The following ZNF518B variants were observed in gnomAD, a reference collection of about 807,000 sequenced individuals.
ZNF518B encodes the protein zinc finger protein 518B.
A neutral mutation model predicts 56.3 loss-of-function variants in ZNF518B; 23 were observed. The ratio of observed to expected loss-of-function variants is 0.41; its 90% CI spans 0.29 to 0.58. The LOEUF (loss-of-function observed/expected upper bound fraction) is 0.58, where lower values mean the gene tolerates loss of function less well. Ranked by LOEUF, ZNF518B falls within the 20% of genes least tolerant of loss-of-function variation. ZNF518B has a pLI of 0.32. For missense variants in ZNF518B, 1,460 were observed against 1,272.1 expected, an observed-to-expected ratio of 1.15 and a Z score of -2.25; for synonymous variants, 529 against 465.9, an observed-to-expected ratio of 1.14 and a Z score of -1.74.
In ZNF518B at chr4:10,445,376, G is replaced by T. The variant is rs201855662; in HGVS notation, c.953C>A (p.Pro318His). 2.2e-5 allele frequency: 35 copies of T among 1,614,108 alleles called. No individual in the cohort carries two copies. Among genetic ancestry groups the T allele is most frequent in the Non-Finnish European group, 2.5e-5 (30 of 1,180,048 alleles). Residue 318 changes from proline (P) to histidine (H), a missense_variant, in exon 3 of 3, where the codon CCT (proline) becomes CAT (histidine). Pro to His is a moderately conservative substitution (Grantham distance 77). Coordinates refer to ENST00000326756, the MANE Select transcript of ZNF518B (RefSeq NM_053042.3). ...ACCTGGCTGAACAGGTTCTTTTGCA[G>T]GGGATAACACTTCTACTTCAACATT... ...NKNVEVEVLS[P>H]AKEPVQPGMP...
Position 10,445,398 on chromosome 4 carries a change from C to A in ZNF518B, c.931G>T (p.Val311Phe), listed in dbSNP as rs771688278. Residue 311 changes from valine (V) to phenylalanine (F), a missense_variant, in exon 3 of 3, where the codon GTT becomes TTT. Coordinates refer to ENST00000326756, the MANE Select transcript of ZNF518B (RefSeq NM_053042.3). Reference sequence around the variant, plus strand: ...GCAGGGGATAACACTTCTACTTCAACATTTTTGTTCTCAAATAGGTTGACT... The same window carrying A: ...GCAGGGGATAACACTTCTACTTCAAAATTTTTGTTCTCAAATAGGTTGACT... ...NEVNLFENKN[V>F]EVEVLSPAKE... 6 of 1,614,192 alleles carry A rather than the reference C, an allele frequency of 3.7e-6. No individual in the cohort carries two copies. Among genetic ancestry groups the A allele is most frequent in the Non-Finnish European group, 5.1e-6 (6 of 1,180,028 alleles).
chr4:10,442,386 CAT>C lies in ZNF518B; in HGVS notation c.*716_*717del, dbSNP rs958284527. ...TTTGCAAAAAGGTACGTTCCCTTCCCATATGTCATAAACCAATGTATTTTAAA... is the reference window on the plus strand; with the variant it reads ...TTTGCAAAAAGGTACGTTCCCTTCCCATGTCATAAACCAATGTATTTTAAA... On this transcript the variant is annotated 3_prime_UTR_variant, in exon 3 of 3. Transcript: ENST00000326756. 1.3e-5 allele frequency: 2 copies of C among 152,122 alleles called. No homozygotes were observed. The highest frequency in any genetic ancestry group is 4.8e-5 in the African/African-American group (2 of 41,416). The allele number at this position is 152,122 out of a possible 1,614,324, so 9.4% of individuals were successfully genotyped here.
intron 2 of ZNF518B, chr4:10,454,087 T>A (rs1715432298): frequency 6.6e-6 from 1 of 152,242 alleles, no homozygotes; most frequent in Non-Finnish European, 1.5e-5. Context: ...CACCTGATAC[T>A]ACAGGTGCAG....
rs377391248 is a variant in ZNF518B, at chr4:10,443,813, A to C, written c.2516T>G (p.Ile839Ser). 1 of 1,614,162 alleles carries C rather than the reference A, an allele frequency of 6.2e-7. No individual in the cohort carries two copies. The highest frequency in any genetic ancestry group is 1.1e-5 in the South Asian group (1 of 91,086). Residue 839 changes from isoleucine to serine, a missense_variant, in exon 3 of 3, where the codon ATC (isoleucine) becomes AGC (serine). Coordinates refer to ENST00000326756, the MANE Select transcript of ZNF518B (RefSeq NM_053042.3). ...ERGPIDMSPN[I>S]ETPLRPKLRK... ...CAGTTTAGGCCGCAGAGGTGTCTCGATATTTGGGGACATATCTATTGGCCC... is the reference window on the plus strand; with the variant it reads ...CAGTTTAGGCCGCAGAGGTGTCTCGCTATTTGGGGACATATCTATTGGCCC...
chr4:10,450,726 G>A (rs1355725687), intron 2 of ZNF518B, among the ~76,000 whole-genome samples: 1 of 152,162 alleles, frequency 6.6e-6, no homozygotes, highest in Non-Finnish European at 1.5e-5. Context: ...GGGTATGCTG[G>A]CACTGAAAGG....
chr4:10,449,558 C>T (rs1715211192), intron 2 of ZNF518B, among the ~76,000 whole-genome samples: 1 of 152,176 alleles, frequency 6.6e-6, no homozygotes, highest in Admixed American at 6.5e-5. Context: ...CCTTGTTCTG[C>T]CTTGACTCTG....
chr4:10,445,074 C>G lies in ZNF518B; in HGVS notation c.1255G>C (p.Asp419His). The change falls in exon 3 of 3, where the codon GAT (aspartate) becomes CAT (histidine). Residue 419 changes from aspartate (D) to histidine (H), a missense_variant. Asp to His is a moderately conservative substitution (Grantham distance 81). Coordinates refer to ENST00000326756, the MANE Select transcript of ZNF518B (RefSeq NM_053042.3). ...DGNVGKLVGI[D>H]SFQPSVQKQL... ...TTCTGAACTGAAGGTTGAAAACTAT[C>G]AATGCCTACGAGTTTTCCAACATTC... 6.2e-7 allele frequency: 1 copy of G among 1,614,206 alleles called. No homozygotes were observed. The highest frequency in any genetic ancestry group is 1.6e-4 in the Middle Eastern group (1 of 6,062).
Position 10,446,065 on chromosome 4 carries a change from C to A in ZNF518B, c.264G>T (p.Gln88His), listed in dbSNP as rs376118146. 3 of 1,614,152 alleles carry A rather than the reference C, an allele frequency of 1.9e-6. No individual in the cohort carries two copies. Among genetic ancestry groups the A allele is most frequent in the Non-Finnish European group, 2.5e-6 (3 of 1,180,034 alleles). ...TGGGAGGAGCTGCACCGAGGCTGCA[C>A]TGGAAGCAGACATACATACCGTCCT... is the stretch of plus-strand genomic sequence containing the variant. ...TGKDGMYVCF[Q>H]CSLGAAPPNF... is the part of the protein sequence containing the mutation. The change falls in exon 3 of 3, where the codon CAG becomes CAT. Residue 88 changes from glutamine (Q) to histidine (H), a missense_variant. Physicochemically the swap from Gln to His is conservative, Grantham distance 24 (BLOSUM62 0). Coordinates refer to ENST00000326756, the MANE Select transcript of ZNF518B (RefSeq NM_053042.3).
chr4:10,449,335 T>C (rs988267049), intron 2 of ZNF518B, among the ~76,000 whole-genome samples: 1 of 152,216 alleles, frequency 6.6e-6, no homozygotes, highest in Non-Finnish European at 1.5e-5. Flanking sequence ...GTAATCCTGA[T>C]GAAAAGCCAG....
chr4:10,453,732 TTCTTTTTTG>T (rs1214548056), intron 2 of ZNF518B: 1 of 152,212 alleles, frequency 6.6e-6, no homozygotes, highest in Non-Finnish European at 1.5e-5. Context: ...ATTTTCACAT[TTCTTTTTTG>T]CCTTAAAAAT....
chr4:10,443,355 G>C lies in ZNF518B; in HGVS notation c.2974C>G (p.Leu992Val). Residue 992 changes from leucine (L) to valine (V), a missense_variant, in exon 3 of 3, where the codon CTG (leucine) becomes GTG (valine). Coordinates refer to ENST00000326756, the MANE Select transcript of ZNF518B (RefSeq NM_053042.3). ...GCTTCTTCCGCATTCTGGTAGGTCAGGCGTACATGATGCCGTCTGATGCCT... is the reference window on the plus strand; with the variant it reads ...GCTTCTTCCGCATTCTGGTAGGTCACGCGTACATGATGCCGTCTGATGCCT... The part of the protein sequence containing the change: ...QLGIRRHHVR[L>V]TYQNAEEASQ... 6.2e-7 allele frequency: 1 copy of C among 1,614,236 alleles called. No homozygotes were observed. The highest frequency in any genetic ancestry group is 8.5e-7 in the Non-Finnish European group (1 of 1,180,048).
intron 2 of ZNF518B, chr4:10,451,304 A>T (rs1051632849): frequency 6.6e-6 from 1 of 152,238 alleles, no homozygotes; most frequent in Non-Finnish European, 1.5e-5. Flanking sequence ...TAAATACTGG[A>T]AACATCTAAT....
At chr4:10,456,374 T>A (rs1715527686) in intron 1 of ZNF518B, among the ~76,000 whole-genome samples, 1 of 152,142 alleles carries the variant, frequency 6.6e-6, no homozygotes. Flanking sequence ...TGCAATTTCT[T>A]GGCTTTACAG....
intron 1 of ZNF518B, among the ~76,000 whole-genome samples, chr4:10,456,925 G>A (rs1390549052): frequency 4.0e-5 from 6 of 151,288 alleles, no homozygotes; most frequent in Non-Finnish European, 7.4e-5. Context: ...GAACGGCCCC[G>A]CGGGACGCTG....
In ZNF518B at chr4:10,444,195, C is replaced by G; in HGVS notation, c.2134G>C (p.Val712Leu). The G allele has an allele frequency of 6.2e-7, 1 of 1,614,160 alleles. No individual in the cohort carries two copies. The highest frequency in any genetic ancestry group is 8.5e-7 in the Non-Finnish European group (1 of 1,180,028). ...GAATGGCCAAGACCAGTGAGTGACA[C>G]GTTGATTTCTTGAATACCTTCAGAG... The part of the protein sequence containing the change: ...ATSEGIQEIN[V>L]SLTGLGHSTG... The change falls in exon 3 of 3, where the codon GTG becomes CTG. Residue 712 changes from valine to leucine, a missense_variant. Coordinates refer to ENST00000326756, the MANE Select transcript of ZNF518B (RefSeq NM_053042.3).
intron 2 of ZNF518B, chr4:10,452,606 G>T (rs960496670): frequency 6.6e-6 from 1 of 152,192 alleles, no homozygotes; most frequent in African/African-American, 2.4e-5. Context: ...ATATGAATGT[G>T]TGATGGGGAA....
At chr4:10,446,636 T>C (rs111324852) in intron 2 of ZNF518B, 97 bp from the exon 3 acceptor site, 78 of 264,246 alleles carry the variant, frequency 3.0e-4, no homozygotes, top group African/African-American at 1.4e-3. Flanking sequence ...GGACATTTTA[T>C]GGTAAATCTC....
chr4:10,460,703 T>C (rs1374735530), upstream of ZNF518B, among the ~76,000 whole-genome samples: 1 of 152,220 alleles, frequency 6.6e-6, no homozygotes, highest in Non-Finnish European at 1.5e-5. Flanking sequence ...CTCCACGAGC[T>C]TTCCATGATC....
chr4:10,449,257 C>T (rs1009983813), intron 2 of ZNF518B, among the ~76,000 whole-genome samples: 2 of 152,094 alleles, frequency 1.3e-5, no homozygotes, highest in Admixed American at 6.5e-5. Flanking sequence ...CATCTCAAAG[C>T]GAGTGAATCT....
Sources: allele counts gnomAD v4.1 joint callset (sites outside exome capture counted in the v4.1 genomes callset), GRCh38; gene constraint gnomAD v4.1.1; transcripts MANE v1.5; gene names NCBI Gene and HGNC (gene_info 2026-07-23, HGNC 2026-07-21).